The following ZC3H11A variants were observed in gnomAD, a reference collection of about 807,000 sequenced individuals.
ZC3H11A encodes the protein zinc finger CCCH-type containing 11A.
Under a neutral mutation model 90.8 loss-of-function variants are expected in ZC3H11A, and 22 were observed. The ratio of observed to expected loss-of-function variants is 0.24; its 90% CI spans 0.17 to 0.35. The LOEUF is 0.35. ZC3H11A is among the 10% of genes least tolerant of loss of function. ZC3H11A has a pLI of 1.00. For missense variants in ZC3H11A, 701 were observed against 964.9 expected, an observed-to-expected ratio of 0.73 and a Z score of 3.62; for synonymous variants, 294 against 339.8, an observed-to-expected ratio of 0.87 and a Z score of 1.48.
At chr1:203,809,019 A>G (rs1418558146) in intron 2 of ZC3H11A, among the ~76,000 whole-genome samples, 1 of 151,694 alleles carries the variant, frequency 6.6e-6, no homozygotes, top group Admixed American at 6.6e-5. Flanking sequence ...TAGTAGAGAC[A>G]GGATTTCACC....
intron 9 of ZC3H11A, 52 bp downstream of exon 9, chr1:203,831,823 G>A: frequency 6.9e-7 from 1 of 1,440,746 alleles, no homozygotes; most frequent in East Asian, 2.3e-5. Context: ...TTATATAATT[G>A]GGAATGCAAA....
At chr1:203,811,240 G>T (rs1674396575) in intron 2 of ZC3H11A, among the ~76,000 whole-genome samples, 1 of 152,144 alleles carries the variant, frequency 6.6e-6, no homozygotes, top group South Asian at 2.1e-4. Flanking sequence ...CCCAGGAGGT[G>T]GAGGTTGCAG....
At chr1:203,797,267 T>C (rs6693481) in intron 1 of ZC3H11A, 189,233 of 291,072 alleles carry the variant, frequency 0.65, 62,778 homozygotes, top group Middle Eastern at 0.74. Context: ...ATGAGGACAC[T>C]GGACTATTTG....
intron 2 of ZC3H11A, among the ~76,000 whole-genome samples, chr1:203,809,576 A>G (rs1224535366): frequency 6.6e-6 from 1 of 152,008 alleles, no homozygotes; most frequent in Non-Finnish European, 1.5e-5. Flanking sequence ...CCTTTTTCCT[A>G]CATTAACTTC....
chr1:203,818,850 A>T (rs1016600970), intron 4 of ZC3H11A, among the ~76,000 whole-genome samples, 161 bp downstream of exon 4: 2 of 151,692 alleles, frequency 1.3e-5, no homozygotes, highest in Non-Finnish European at 2.9e-5. Context: ...CGGGTAGATC[A>T]TGAGGTCAGG....
Position 203,840,605 on chromosome 1 carries a change from ATTATTTATTTAT to A in ZC3H11A, c.1042+254_1042+265del, listed in dbSNP as rs534962124. Reference sequence around the variant, plus strand: ...TTCATCATAGCATTAATAGTAGGAAATTATTTATTTATTTATTTATTTATTTATTTATTTTAT... The same window carrying A: ...TTCATCATAGCATTAATAGTAGGAAATTATTTATTTATTTATTTATTTTAT... On this transcript the variant is annotated intron_variant, in intron 12 of 17. Coordinates refer to ENST00000367210, the MANE Select transcript of ZC3H11A (RefSeq NM_001376342.1). Among the ~76,000 whole-genome samples, 449 of 147,692 alleles carry A rather than the reference ATTATTTATTTAT, an allele frequency of 3.0e-3. 1 individual carries two copies. The highest frequency in any genetic ancestry group is 5.4e-3 in the Non-Finnish European group (363 of 66,878).
chr1:203,825,416 T>C (rs932302212), intron 4 of ZC3H11A, among the ~76,000 whole-genome samples: 1 of 149,488 alleles, frequency 6.7e-6, no homozygotes, highest in Non-Finnish European at 1.5e-5. Context: ...AGGAGAAATA[T>C]TACTGTGGAG....
Position 203,828,409 on chromosome 1 carries a change from A to G in ZC3H11A, c.285A>G (p.Leu95=), listed in dbSNP as rs1681246153. The G allele has an allele frequency of 6.2e-7, 1 of 1,612,030 alleles. No homozygotes were observed. The highest frequency in any genetic ancestry group is 1.1e-5 in the South Asian group (1 of 90,748). Residue 95 remains leucine, a synonymous_variant, in exon 5 of 18, where the codon CTA becomes CTG. Transcript: ENST00000367210. ...NRGRYVDGLF[L]PPSKTVLPTV... is the part of the protein sequence containing the mutation. ...GACGATATGTTGATGGCCTTTTCCT[A>G]CCTCCGAGCAAAAGTGAGATCAGTT...
intron 2 of ZC3H11A, among the ~76,000 whole-genome samples, chr1:203,805,468 C>CA (rs2102508496): frequency 6.6e-6 from 1 of 152,178 alleles, no homozygotes; most frequent in East Asian, 1.9e-4. Flanking sequence ...ATTTCCCAAG[C>CA]AATGAGTCTC....
intron 11 of ZC3H11A, 38 bp from the exon 12 acceptor site, chr1:203,840,268 G>T (rs1238900056): frequency 1.9e-6 from 3 of 1,598,704 alleles, no homozygotes; most frequent in Non-Finnish European, 1.7e-6. Flanking sequence ...AAAAGTTTCT[G>T]TTCAACTTTT....
intron 1 of ZC3H11A, chr1:203,798,351 C>T (rs1169753607): frequency 6.5e-7 from 1 of 1,535,330 alleles, no homozygotes; most frequent in Non-Finnish European, 8.7e-7. Flanking sequence ...TTACACTGAT[C>T]CTCAGCACAT....
intron 9 of ZC3H11A, 39 bp from the exon 10 acceptor site, chr1:203,833,752 T>A: frequency 6.3e-7 from 1 of 1,581,662 alleles, no homozygotes; most frequent in Non-Finnish European, 8.6e-7. Context: ...TACAGAAAAA[T>A]TGACTAAGGA....
intron 2 of ZC3H11A, among the ~76,000 whole-genome samples, chr1:203,804,394 C>T (rs1193900870): frequency 4.0e-5 from 6 of 151,742 alleles, no homozygotes; most frequent in Non-Finnish European, 8.8e-5. Context: ...CCTCGTGATC[C>T]GCCCGCCTCG....
Position 203,829,588 on chromosome 1 carries a change from A to G in ZC3H11A, c.436A>G (p.Asn146Asp), listed in dbSNP as rs747574827. The change falls in exon 6 of 18, where the codon AAT becomes GAT. Residue 146 changes from asparagine (N) to aspartate (D), a missense_variant. Transcript: ENST00000367210. ...CGTTATGAAAGTAGAAAGTTCCGAA[A>G]ATGTTCCTAGCCCCACGCATCCACC... ...RSVMKVESSENVPSPTHPPVV... is the reference protein window; with the variant it reads ...RSVMKVESSEDVPSPTHPPVV... 6 of 1,614,030 alleles carry G rather than the reference A, an allele frequency of 3.7e-6. No individual in the cohort carries two copies. The highest frequency in any genetic ancestry group is 2.5e-6 in the Non-Finnish European group (3 of 1,180,034).
At chr1:203,806,208 G>C in intron 2 of ZC3H11A, 1 of 430,526 alleles carries the variant, frequency 2.3e-6, no homozygotes, top group Non-Finnish European at 4.5e-6. Context: ...TGCCAATGCA[G>C]TCATTCAGGC....
rs1571849733 is a variant in ZC3H11A, at chr1:203,797,453, C to T, written c.-1588+1659C>T. The stretch of plus-strand genomic sequence containing the variant: ...AAAAGGTAATGCAAGTAGAGAGGAA[C>T]AGCTGTATTTCTGCTTGAGTAATAA... On this transcript the variant is annotated intron_variant, in intron 1 of 17. Transcript: ENST00000367210. The T allele has an allele frequency of 3.7e-6, 5 of 1,358,288 alleles. No individual in the cohort carries two copies. The East Asian group carries it at 7.7e-5, about 21-fold the overall frequency. The allele number at this position is 1,358,288 out of a possible 1,614,324, so 84.1% of individuals were successfully genotyped here. A position where few individuals can be genotyped will look rare whatever the true frequency, so the allele number is the denominator to read the frequency against.
chr1:203,800,044 G>A (rs1347687694), intron 1 of ZC3H11A: 2 of 1,536,110 alleles, frequency 1.3e-6, no homozygotes, highest in Non-Finnish European at 1.7e-6. Context: ...TCCAGTTCAG[G>A]TTCTGTTGAT....
chr1:203,803,175 TA>T (rs759895196), intron 2 of ZC3H11A, among the ~76,000 whole-genome samples, 159 bp downstream of exon 2: 3 of 152,138 alleles, frequency 2.0e-5, no homozygotes, highest in Non-Finnish European at 4.4e-5. Flanking sequence ...GATGGAAACA[TA>T]TTTTTTTCTT....
rs749378987 is a variant in ZC3H11A, at chr1:203,797,877, A to G, written c.-1588+2083A>G. On this transcript the variant is annotated intron_variant, in intron 1 of 17. Transcript: ENST00000367210. Reference sequence around the variant, plus strand: ...TGAAGAAAGTCTTTTTGAGAGCAATATAGAAAAACAGATCTATCTACCTAG... The same window carrying G: ...TGAAGAAAGTCTTTTTGAGAGCAATGTAGAAAAACAGATCTATCTACCTAG... 7.8e-6 allele frequency: 12 copies of G among 1,536,116 alleles called. 1 individual carries two copies. The South Asian group carries it at 1.2e-4, about 15-fold the overall frequency.
Sources: gnomAD v4.1 joint callset for allele counts (sites outside exome capture counted in the v4.1 genomes callset) on GRCh38, gnomAD v4.1.1 for gene constraint, MANE v1.5 for transcripts, NCBI Gene and HGNC (gene_info 2026-07-23, HGNC 2026-07-21) for gene names.